Variants in TINAG observed in about 807,000 individuals in gnomAD.
TINAG encodes tubulointerstitial nephritis antigen.
A neutral mutation model predicts 72.7 loss-of-function variants in TINAG; 83 were observed. The ratio of observed to expected loss-of-function variants is 1.14; its 90% CI spans 0.96 to 1.37. TINAG has a LOEUF of 1.37. Ranked by LOEUF, TINAG falls within the 40% of genes most tolerant of loss-of-function variation. TINAG has a pLI of 0.00. For missense variants in TINAG, 685 were observed against 576.6 expected (o/e 1.19, Z -1.93); for synonymous variants, 234 against 189.9 (o/e 1.23, Z -1.91).
chr6:54,337,768 T>C (rs941315621), intron 4 of TINAG, among the ~76,000 whole-genome samples: 3 of 152,010 alleles, frequency 2.0e-5, no homozygotes, highest in African/African-American at 7.3e-5. Flanking sequence ...CCCACACACA[T>C]GAACATAAGG....
intron 10 of TINAG, among the ~76,000 whole-genome samples, chr6:54,384,678 T>C (rs1312201241): frequency 1.3e-5 from 2 of 152,116 alleles, no homozygotes; most frequent in Non-Finnish European, 2.9e-5. Flanking sequence ...AAAGCACGTT[T>C]GGACAAAAGC....
intron 9 of TINAG, among the ~76,000 whole-genome samples, chr6:54,369,199 T>G (rs1763530334): frequency 6.6e-6 from 1 of 151,938 alleles, no homozygotes; most frequent in Admixed American, 6.6e-5. Flanking sequence ...CTCATGAGCT[T>G]ACTCATCTCC....
chr6:54,312,122 T>A (rs181057077), intron 1 of TINAG, among the ~76,000 whole-genome samples: 11 of 152,170 alleles, frequency 7.2e-5, no homozygotes, highest in Admixed American at 6.5e-4. Context: ...AGTGGCGCCA[T>A]CATGGCTCAC....
In TINAG at chr6:54,308,850, C is replaced by T. The variant is rs1784174078; in HGVS notation, c.300C>T (p.Ser100=). The change falls in exon 1 of 11, where the codon TCC becomes TCT. Residue 100 remains serine (S), a synonymous_variant. Transcript: ENST00000259782. ...CTGATTGCTGTCCTGACTACAAGTC[C>T]TTTTGCCGTGAAGAGAAAGAATGGC... The part of the protein sequence containing the change: ...ENSDCCPDYK[S]FCREEKEWPP... The T allele has an allele frequency of 1.2e-6, 2 of 1,613,638 alleles. No individual in the cohort carries two copies. Among genetic ancestry groups the T allele is most frequent in the South Asian group, 1.1e-5 (1 of 91,070 alleles).
chr6:54,318,774 T>C (rs992070240), intron 1 of TINAG, among the ~76,000 whole-genome samples: 2 of 151,788 alleles, frequency 1.3e-5, no homozygotes, highest in African/African-American at 4.8e-5. Context: ...AGCAAAGGAG[T>C]GAGTGGACTG....
At chr6:54,321,521 G>A (rs1203593373) in intron 3 of TINAG, 135 bp downstream of exon 3, 2 of 626,074 alleles carry the variant, frequency 3.2e-6, no homozygotes, top group East Asian at 2.8e-5. Flanking sequence ...GAGATAGAAA[G>A]CATGTAAACC....
intron 10 of TINAG, among the ~76,000 whole-genome samples, chr6:54,381,348 A>T (rs1763943845): frequency 3.2e-5 from 2 of 61,974 alleles, no homozygotes; most frequent in East Asian, 3.6e-4. Flanking sequence ...CAAAGTCCTA[A>T]TATTATATAC....
At position 54,380,574 on chromosome 6, in the gene TINAG, A is replaced by G. The variant is rs1483187610; in HGVS notation, c.1296+3A>G. The G allele has an allele frequency of 6.2e-7, 1 of 1,609,620 alleles. No homozygotes were observed. The highest frequency in any genetic ancestry group is 2.2e-5 in the East Asian group (1 of 44,646). Reference sequence around the variant, plus strand: ...AAGGGCAGAAAGAAAAATTTTGGGTATGTAACTCTTTCCAGTTGAATTCCT... The same window carrying G: ...AAGGGCAGAAAGAAAAATTTTGGGTGTGTAACTCTTTCCAGTTGAATTCCT... On this transcript the variant is annotated splice_donor_region_variant and intron_variant, in intron 10 of 10. Transcript: ENST00000259782.
chr6:54,323,701 C>T (rs1243497411), intron 3 of TINAG, among the ~76,000 whole-genome samples: 2 of 152,182 alleles, frequency 1.3e-5, no homozygotes, highest in Non-Finnish European at 2.9e-5. Context: ...TGCCTGTAAT[C>T]CCAGCACTTT....
intron 1 of TINAG, among the ~76,000 whole-genome samples, chr6:54,317,933 G>A (rs1456867888): frequency 6.6e-6 from 1 of 151,878 alleles, no homozygotes; most frequent in Admixed American, 6.6e-5. Context: ...CTGTTTTTGT[G>A]TTCTTGGCCT....
intron 4 of TINAG, among the ~76,000 whole-genome samples, chr6:54,342,629 A>G (rs1331584839): frequency 6.6e-6 from 1 of 151,998 alleles, no homozygotes; most frequent in Admixed American, 6.6e-5. Context: ...CAGCCTCCCA[A>G]AGTGCTGGGA....
intron 10 of TINAG, among the ~76,000 whole-genome samples, chr6:54,388,211 T>TA (rs1362358215): frequency 6.6e-6 from 1 of 152,120 alleles, no homozygotes; most frequent in Non-Finnish European, 1.5e-5. Flanking sequence ...ATGAACTGAC[T>TA]AAAAAAATAT....
chr6:54,327,364 C>T (rs1016836111), intron 4 of TINAG, among the ~76,000 whole-genome samples: 1 of 152,148 alleles, frequency 6.6e-6, no homozygotes, highest in African/African-American at 2.4e-5. Flanking sequence ...GGAACTCCCT[C>T]CCTTAGTCAA....
intron 1 of TINAG, among the ~76,000 whole-genome samples, chr6:54,315,185 A>G (rs932348253): frequency 4.6e-5 from 7 of 152,170 alleles, no homozygotes; most frequent in Non-Finnish European, 1.0e-4. Context: ...TTACATGGGT[A>G]TTGTTCAGTT....
At chr6:54,372,749 TATATATATATATA>T (rs1306801465) in intron 9 of TINAG, among the ~76,000 whole-genome samples, 1,193 of 14,746 alleles carry the variant, frequency 0.081, 21 homozygotes, top group African/African-American at 0.15. Context: ...TATATATATA[TATATATATATATA>T]TATATATATA....
chr6:54,375,978 C>T (rs1168656698), intron 9 of TINAG, among the ~76,000 whole-genome samples: 2 of 152,160 alleles, frequency 1.3e-5, no homozygotes, highest in East Asian at 3.8e-4. Flanking sequence ...ACCTGCCTAA[C>T]TTCATTCTCC....
chr6:54,389,644 C>A, intron 10 of TINAG, 147 bp from the exon 11 acceptor site: 2 of 969,966 alleles, frequency 2.1e-6, no homozygotes, highest in South Asian at 3.8e-5. Context: ...CATAATACAA[C>A]CATTATTTAA....
At position 54,347,350 on chromosome 6, in the gene TINAG, T is replaced by C; in HGVS notation, c.749-17T>C. On this transcript the variant is annotated splice_polypyrimidine_tract_variant and intron_variant, in intron 5 of 10. Transcript: ENST00000259782. The stretch of plus-strand genomic sequence containing the variant: ...CGTGTATCATTTCAATATTAATTGA[T>C]ATTCTATTTGAAACAGGTGTGGCTG... 6.2e-7 allele frequency: 1 copy of C among 1,611,064 alleles called. No individual in the cohort carries two copies. The highest frequency in any genetic ancestry group is 1.7e-4 in the Middle Eastern group (1 of 6,034).
chr6:54,368,927 C>T (rs1763519985), intron 9 of TINAG, among the ~76,000 whole-genome samples: 2 of 151,630 alleles, frequency 1.3e-5, no homozygotes, highest in Non-Finnish European at 2.9e-5. Flanking sequence ...TTTTATTACA[C>T]ATTTGAAGGC....
Sources: gnomAD v4.1 joint callset for allele counts (sites outside exome capture counted in the v4.1 genomes callset) on GRCh38, gnomAD v4.1.1 for gene constraint, MANE v1.5 for transcripts, NCBI Gene and HGNC (gene_info 2026-07-23, HGNC 2026-07-21) for gene names.